The following PRKN variants were observed in gnomAD, a reference collection of about 807,000 sequenced individuals.
PRKN encodes parkin RBR E3 ubiquitin protein ligase, also known as E3 ubiquitin-protein ligase parkin.
In PRKN, 56 loss-of-function variants were observed where a neutral mutation model predicts 59.5. That is an observed-to-expected ratio of 0.94 (90% CI 0.76 to 1.18). The LOEUF (loss-of-function observed/expected upper bound fraction) is 1.18. Among genes scored for constraint, PRKN ranks in the 50% most tolerant of loss-of-function variants. PRKN has a pLI of 0.00. For synonymous variants in PRKN, 250 were observed against 222.1 expected (o/e 1.13, Z -1.12); for missense variants, 657 against 596.4 (o/e 1.10, Z -1.06).
At chr6:161,782,915 A>T (rs1790268709) in intron 7 of PRKN, among the ~76,000 whole-genome samples, 1 of 152,130 alleles carries the variant, frequency 6.6e-6, no homozygotes, top group African/African-American at 2.4e-5. Context: ...TTAATTAATT[A>T]AAAAATTTAA....
intron 1 of PRKN, among the ~76,000 whole-genome samples, chr6:162,521,793 G>A (rs73591833): frequency 6.6e-6 from 1 of 152,010 alleles, no homozygotes; most frequent in Non-Finnish European, 1.5e-5. Context: ...ATATTATATG[G>A]TTCAAATTGT....
chr6:162,279,760 C>G (rs949929715), intron 2 of PRKN, among the ~76,000 whole-genome samples: 1 of 152,126 alleles, frequency 6.6e-6, no homozygotes. Flanking sequence ...CTGTTTAATA[C>G]TGACAGTGGG....
intron 7 of PRKN, among the ~76,000 whole-genome samples, chr6:161,717,299 A>G (rs1196106213): frequency 6.6e-6 from 1 of 152,190 alleles, no homozygotes; most frequent in Non-Finnish European, 1.5e-5. Context: ...GAATGGCATG[A>G]ATCCCCCTTC....
chr6:162,200,232 G>A (rs920619013), intron 4 of PRKN, among the ~76,000 whole-genome samples: 2 of 152,048 alleles, frequency 1.3e-5, no homozygotes, highest in African/African-American at 4.8e-5. Context: ...GACACGCTCG[G>A]CCTGCATGCC....
intron 9 of PRKN, among the ~76,000 whole-genome samples, chr6:161,437,449 C>T (rs371438331): frequency 2.0e-5 from 3 of 152,252 alleles, no homozygotes; most frequent in East Asian, 1.9e-4. Context: ...TTAATATCTT[C>T]GGGCCTCGGT....
At chr6:161,943,833 G>GCCTGAGGA (rs1779659634) in intron 6 of PRKN, among the ~76,000 whole-genome samples, 2 of 146,138 alleles carry the variant, frequency 1.4e-5, no homozygotes, top group Non-Finnish European at 3.0e-5. Context: ...CAGCCTGAAG[G>GCCTGAGGA]ATCAGCCTGA....
intron 1 of PRKN, among the ~76,000 whole-genome samples, chr6:162,703,921 T>C (rs1004997058): frequency 6.6e-6 from 1 of 152,222 alleles, no homozygotes; most frequent in Non-Finnish European, 1.5e-5. Context: ...TCCCAGGTGC[T>C]GAGACTACAA....
intron 1 of PRKN, among the ~76,000 whole-genome samples, chr6:162,499,425 T>C (rs1317672620): frequency 6.6e-6 from 1 of 152,154 alleles, no homozygotes; most frequent in Non-Finnish European, 1.5e-5. Flanking sequence ...TTATCTCTCT[T>C]GTCCACTAGA....
At chr6:162,094,246 T>G (rs1326497683) in intron 4 of PRKN, among the ~76,000 whole-genome samples, 1 of 151,950 alleles carries the variant, frequency 6.6e-6, no homozygotes, top group Non-Finnish European at 1.5e-5. Context: ...GTCCAACACG[T>G]TGGGAGCCTG....
chr6:162,153,545 C>T (rs1374118746), intron 4 of PRKN, among the ~76,000 whole-genome samples: 2 of 152,208 alleles, frequency 1.3e-5, no homozygotes, highest in Non-Finnish European at 2.9e-5. Flanking sequence ...GGCATTATAA[C>T]AGCCTTTTGG....
chr6:162,011,269 A>G (rs186544426), intron 5 of PRKN, among the ~76,000 whole-genome samples: 6 of 35,050 alleles, frequency 1.7e-4, no homozygotes, highest in South Asian at 1.8e-3. Context: ...ATATATTTAT[A>G]ATATATATTT....
Position 162,647,745 on chromosome 6 carries a change from A to C in PRKN, c.7+79917T>G, listed in dbSNP as rs75138453. 4.3e-3 allele frequency among the ~76,000 whole-genome samples: 650 copies of C among 152,148 alleles called. 4 individuals carry two copies. Among genetic ancestry groups the C allele is most frequent in the African/African-American group, 0.015 (604 of 41,520 alleles). Reference sequence around the variant, plus strand: ...TTCCTGCCACTCACCAAGGAAGCAGAAAGTTTGTTTCTGAGCTCAGTCTGA... The same window carrying C: ...TTCCTGCCACTCACCAAGGAAGCAGCAAGTTTGTTTCTGAGCTCAGTCTGA... On this transcript the variant is annotated intron_variant, in intron 1 of 11. Coordinates refer to ENST00000366898, the MANE Select transcript of PRKN (RefSeq NM_004562.3).
At chr6:162,052,790 G>A (rs1264792823) in intron 5 of PRKN, among the ~76,000 whole-genome samples, 2 of 150,740 alleles carry the variant, frequency 1.3e-5, no homozygotes, top group Non-Finnish European at 3.0e-5. Flanking sequence ...AAACTTGTAA[G>A]CATAAACCCA....
chr6:161,775,869 A>C (rs772351614), intron 7 of PRKN, among the ~76,000 whole-genome samples: 1 of 152,210 alleles, frequency 6.6e-6, no homozygotes, highest in Non-Finnish European at 1.5e-5. Context: ...AACAACCAAG[A>C]AGCATAACGG....
chr6:161,853,172 T>G (rs1238467830), intron 6 of PRKN, among the ~76,000 whole-genome samples: 1 of 152,172 alleles, frequency 6.6e-6, no homozygotes, highest in African/African-American at 2.4e-5. Context: ...AATATGGCAA[T>G]ATGGAGTGAG....
chr6:162,527,898 G>C (rs1045248748), intron 1 of PRKN, among the ~76,000 whole-genome samples: 12 of 152,168 alleles, frequency 7.9e-5, no homozygotes, highest in African/African-American at 2.6e-4. Flanking sequence ...AGTGACAATG[G>C]CTGGTTCTGC....
At chr6:161,945,715 CT>C (rs1779753023) in intron 6 of PRKN, among the ~76,000 whole-genome samples, 1 of 152,182 alleles carries the variant, frequency 6.6e-6, no homozygotes, top group South Asian at 2.1e-4. Flanking sequence ...TCTCTACCCC[CT>C]ACCTTTCAAA....
At chr6:161,408,879 C>A (rs1250915670) in intron 9 of PRKN, among the ~76,000 whole-genome samples, 1 of 152,094 alleles carries the variant, frequency 6.6e-6, no homozygotes, top group African/African-American at 2.4e-5. Flanking sequence ...TATATGCTAT[C>A]CCCCCAAGTA....
intron 5 of PRKN, among the ~76,000 whole-genome samples, chr6:162,023,186 C>A (rs2128276555): frequency 6.6e-6 from 1 of 152,164 alleles, no homozygotes. Flanking sequence ...CTCGGGGTGA[C>A]TGTTTACAGC....
Sources: allele counts gnomAD v4.1 joint callset (sites outside exome capture counted in the v4.1 genomes callset), GRCh38; gene constraint gnomAD v4.1.1; transcripts MANE v1.5; gene names NCBI Gene and HGNC (gene_info 2026-07-23, HGNC 2026-07-21).